KCNN2: variants seen among roughly 807,000 people sequenced by gnomAD.
KCNN2 encodes potassium calcium-activated channel subfamily N member 2.
A neutral mutation model predicts 55.5 loss-of-function variants in KCNN2; 24 were observed. That is an observed-to-expected ratio of 0.43 (90% CI 0.31 to 0.61). KCNN2 has a LOEUF of 0.61. Among genes scored for constraint, KCNN2 ranks in the 20% least tolerant of loss-of-function variants. The pLI, the probability that KCNN2 is intolerant of heterozygous loss-of-function variation, is 0.08. For synonymous variants in KCNN2, 431 were observed against 336.1 expected, an observed-to-expected ratio of 1.28 and a Z score of -3.09; for missense variants, 754 against 853.6, an observed-to-expected ratio of 0.88 and a Z score of 1.45.
intron 1 of KCNN2, among the ~76,000 whole-genome samples, chr5:114,114,721 T>C (rs1751677333): frequency 6.6e-6 from 1 of 152,170 alleles, no homozygotes; most frequent in Non-Finnish European, 1.5e-5. Flanking sequence ...TCATTGTTGG[T>C]GGTTTTCTAA....
chr5:114,345,580 G>A (rs1430427372), intron 2 of KCNN2, among the ~76,000 whole-genome samples: 1 of 152,090 alleles, frequency 6.6e-6, no homozygotes, highest in African/African-American at 2.4e-5. Context: ...TGAAAGAGTT[G>A]GGGGGCAGAA....
chr5:114,286,944 AT>A (rs1755766413), intron 2 of KCNN2, among the ~76,000 whole-genome samples: 1 of 152,180 alleles, frequency 6.6e-6, no homozygotes, highest in South Asian at 2.1e-4. Context: ...TTTGAAGTAG[AT>A]ATTATCTTTC....
At chr5:114,145,093 G>T (rs1423947826) in intron 1 of KCNN2, among the ~76,000 whole-genome samples, 2 of 152,172 alleles carry the variant, frequency 1.3e-5, no homozygotes, top group South Asian at 2.1e-4. Context: ...CCTAAGTGGG[G>T]AACAATGAGC....
chr5:114,438,274 A>G (rs1276938902), intron 3 of KCNN2, among the ~76,000 whole-genome samples: 1 of 152,116 alleles, frequency 6.6e-6, no homozygotes, highest in Admixed American at 6.6e-5. Context: ...ACATAATGAG[A>G]TGCTTAGCAT....
At chr5:114,183,837 T>C (rs1345421852) in intron 1 of KCNN2, among the ~76,000 whole-genome samples, 14 of 152,088 alleles carry the variant, frequency 9.2e-5, no homozygotes, top group Admixed American at 9.2e-4. Context: ...TTGCTTGTTT[T>C]CTGTTTTATT....
chr5:114,085,394 A>G (rs992694887), intron 1 of KCNN2, among the ~76,000 whole-genome samples: 2 of 151,958 alleles, frequency 1.3e-5, no homozygotes, highest in South Asian at 2.1e-4. Context: ...TTCTCCATAT[A>G]GATCCTTTAC....
At chr5:114,484,608 G>C (rs907586589) in intron 5 of KCNN2, among the ~76,000 whole-genome samples, 6 of 152,104 alleles carry the variant, frequency 3.9e-5, no homozygotes, top group Admixed American at 1.3e-4. Flanking sequence ...ACTGTCCTCT[G>C]TTCCTTTTCA....
intron 3 of KCNN2, among the ~76,000 whole-genome samples, chr5:114,453,830 G>C (rs556347300): frequency 3.3e-5 from 5 of 151,690 alleles, no homozygotes; most frequent in East Asian, 1.9e-4. Context: ...TTAACTTTCA[G>C]TTCCTGTGAT....
chr5:114,202,443 C>A (rs1335254723), intron 1 of KCNN2, among the ~76,000 whole-genome samples: 1 of 150,862 alleles, frequency 6.6e-6, no homozygotes, highest in Non-Finnish European at 1.5e-5. Flanking sequence ...CAGTTTTAAC[C>A]CCAAAACACT....
At chr5:114,168,202 A>C (rs944076470) in intron 1 of KCNN2, among the ~76,000 whole-genome samples, 12 of 136,844 alleles carry the variant, frequency 8.8e-5, no homozygotes, top group Non-Finnish European at 1.3e-4. Context: ...CACACACACA[A>C]CATCTAGGTA....
At chr5:114,227,365 A>G (rs1455651810) in intron 2 of KCNN2, among the ~76,000 whole-genome samples, 1 of 152,140 alleles carries the variant, frequency 6.6e-6, no homozygotes, top group Non-Finnish European at 1.5e-5. Flanking sequence ...CTTTTTATTC[A>G]TAAAGCATCC....
intron 1 of KCNN2, among the ~76,000 whole-genome samples, chr5:114,109,650 T>C (rs1426748615): frequency 6.6e-6 from 1 of 152,090 alleles, no homozygotes; most frequent in Non-Finnish European, 1.5e-5. Flanking sequence ...TCAGGTTTTG[T>C]AGTTACATGT....
chr5:114,308,297 A>T (rs1044516559), intron 2 of KCNN2, among the ~76,000 whole-genome samples: 7 of 152,140 alleles, frequency 4.6e-5, no homozygotes, highest in Admixed American at 3.9e-4. Context: ...CTGCTGTTTT[A>T]TCCTTGGTCT....
At chr5:114,486,778 G>C (rs1394591450) in intron 5 of KCNN2, 2 of 1,321,074 alleles carry the variant, frequency 1.5e-6, no homozygotes, top group African/African-American at 3.0e-5. Flanking sequence ...AAAAATAGTT[G>C]AATAAAAAAG....
intron 1 of KCNN2, among the ~76,000 whole-genome samples, chr5:114,216,829 G>A (rs990403370): frequency 1.4e-4 from 21 of 152,002 alleles, no homozygotes; most frequent in African/African-American, 4.8e-4. Flanking sequence ...AAATAATACT[G>A]TCTTTGTTCA....
chr5:114,294,350 A>G (rs1341032376), intron 2 of KCNN2, among the ~76,000 whole-genome samples: 12 of 151,606 alleles, frequency 7.9e-5, no homozygotes, highest in Admixed American at 5.3e-4. Flanking sequence ...ATTTCCCTCT[A>G]CACACTGCTT....
chr5:114,104,866 A>G (rs1374251560), intron 1 of KCNN2, among the ~76,000 whole-genome samples: 2 of 151,970 alleles, frequency 1.3e-5, no homozygotes, highest in Non-Finnish European at 2.9e-5. Context: ...GGCAGGGTTC[A>G]TTGCAAGCTC....
At chr5:114,178,907 C>T (rs75134312) in intron 1 of KCNN2, among the ~76,000 whole-genome samples, 4,707 of 152,250 alleles carry the variant, frequency 0.031, 254 homozygotes, top group African/African-American at 0.11. Context: ...CTGTGACCTT[C>T]AGTCTTTTCT....
intron 2 of KCNN2, among the ~76,000 whole-genome samples, chr5:114,346,824 C>A (rs1757114118): frequency 6.7e-6 from 1 of 149,302 alleles, no homozygotes; most frequent in Non-Finnish European, 1.5e-5. Flanking sequence ...ACTCCAGGGG[C>A]TGGGACAGAA....
Sources: gnomAD v4.1 joint callset for allele counts (sites outside exome capture counted in the v4.1 genomes callset) on GRCh38, gnomAD v4.1.1 for gene constraint, MANE v1.5 for transcripts, NCBI Gene and HGNC (gene_info 2026-07-23, HGNC 2026-07-21) for gene names.